Variants in SCARB1 observed in about 807,000 individuals in gnomAD.
The protein encoded by SCARB1 is CD36 and LIMPII analogous 1.
SCARB1 carries 30 observed loss-of-function variants against 57.2 expected under a neutral mutation model. The observed-to-expected ratio is 0.52, with a 90% CI of 0.39 to 0.71. The LOEUF is 0.71. SCARB1 is among the 30% of genes least tolerant of loss of function. SCARB1 has a pLI of 0.00. For synonymous variants in SCARB1, 249 were observed against 268.3 expected (o/e 0.93, Z 0.70); for missense variants, 543 against 671.2 (o/e 0.81, Z 2.11).
intron 1 of SCARB1, among the ~76,000 whole-genome samples, chr12:124,853,293 G>A: frequency 6.6e-6 from 1 of 152,050 alleles, no homozygotes; most frequent in Non-Finnish European, 1.5e-5. Flanking sequence ...GCTGAGTTGA[G>A]ATGGGCAGGG....
intron 7 of SCARB1, among the ~76,000 whole-genome samples, chr12:124,802,353 G>A (rs891160915): frequency 2.6e-5 from 4 of 152,140 alleles, no homozygotes; most frequent in African/African-American, 9.7e-5. Context: ...TCCTGCAGGT[G>A]ATGGCAAGGA....
At chr12:124,821,616 T>C in intron 1 of SCARB1, 2 of 851,174 alleles carry the variant, frequency 2.3e-6, no homozygotes, top group Non-Finnish European at 2.8e-6. Context: ...GATGGGTCAC[T>C]GACCTTCTCC....
At chr12:124,832,339 G>A (rs930261732) in intron 1 of SCARB1, among the ~76,000 whole-genome samples, 7 of 152,152 alleles carry the variant, frequency 4.6e-5, no homozygotes, top group African/African-American at 1.7e-4. Flanking sequence ...GGCCAACATA[G>A]TGAAATCCCG....
chr12:124,842,113 C>A (rs1951932655), intron 1 of SCARB1, among the ~76,000 whole-genome samples: 1 of 152,232 alleles, frequency 6.6e-6, no homozygotes, highest in South Asian at 2.1e-4. Flanking sequence ...AGATTCTCCA[C>A]TGGGGTTTGT....
rs371296000 is a variant in SCARB1 at position 124,786,331 on chromosome 12, C to T, written c.1401+26G>A. 34 of 1,612,514 alleles carry T rather than the reference C, an allele frequency of 2.1e-5. No homozygotes were observed. The African/African-American group carries it at 2.5e-4, about 12-fold the overall frequency. ...GCAGGCAAGCGAATGGCTGTCAGCC[C>T]GGGCTGCCCTCTGGCCAGCACCTAC... On this transcript the variant is annotated intron_variant, in intron 11 of 12. Coordinates refer to ENST00000261693, the MANE Select transcript of SCARB1 (RefSeq NM_005505.5).
chr12:124,802,184 C>T (rs557747268), intron 7 of SCARB1, among the ~76,000 whole-genome samples: 12 of 150,190 alleles, frequency 8.0e-5, no homozygotes, highest in African/African-American at 2.7e-4. Context: ...TAAAAAATAC[C>T]GTGGAAAATA....
At chr12:124,815,212 G>T in intron 2 of SCARB1, 98 bp from the exon 3 acceptor site, 1 of 1,408,674 alleles carries the variant, frequency 7.1e-7, no homozygotes, top group East Asian at 2.3e-5. Context: ...AGGGGCCCTG[G>T]ACGTCTGTGC....
chr12:124,841,100 G>A (rs894607790), intron 1 of SCARB1, among the ~76,000 whole-genome samples: 8 of 152,200 alleles, frequency 5.3e-5, no homozygotes, highest in Admixed American at 2.0e-4. Context: ...GGCTGGGCGC[G>A]GTGGCTCACG....
At chr12:124,830,400 C>T (rs755085045) in intron 1 of SCARB1, among the ~76,000 whole-genome samples, 18 of 152,162 alleles carry the variant, frequency 1.2e-4, no homozygotes, top group South Asian at 2.1e-4. Context: ...TCATAGCAGC[C>T]GTACCCATAA....
rs116429343 is a variant in SCARB1, at chr12:124,839,070, C to G, written c.127-21363G>C. Among the ~76,000 whole-genome samples, 1,425 of 152,228 alleles carry G rather than the reference C, an allele frequency of 9.4e-3. 19 individuals are homozygous for G. The highest frequency in any genetic ancestry group is 0.033 in the African/African-American group (1,360 of 41,532). ...TTACAGGCATGAGCCACTACACGCC[C>G]AGCCCAACTTAGCCATTTTTAAGTG... On this transcript the variant is annotated intron_variant, in intron 1 of 12. Coordinates refer to ENST00000261693, the MANE Select transcript of SCARB1 (RefSeq NM_005505.5).
At chr12:124,843,409 T>C (rs1319636287) in intron 1 of SCARB1, among the ~76,000 whole-genome samples, 2 of 152,058 alleles carry the variant, frequency 1.3e-5, no homozygotes, top group Non-Finnish European at 2.9e-5. Context: ...GCGCCTGGCC[T>C]TGACTTCTGG....
chr12:124,830,520 T>C (rs1048946657), intron 1 of SCARB1, among the ~76,000 whole-genome samples: 1 of 152,110 alleles, frequency 6.6e-6, no homozygotes, highest in Non-Finnish European at 1.5e-5. Context: ...GAATGACCAA[T>C]TGAGACACAC....
intron 1 of SCARB1, among the ~76,000 whole-genome samples, chr12:124,844,308 C>G (rs1952045258): frequency 6.6e-6 from 1 of 152,176 alleles, no homozygotes; most frequent in Non-Finnish European, 1.5e-5. Flanking sequence ...GCCGCCCTCT[C>G]CTCAGACGTG....
chr12:124,849,972 G>A lies in SCARB1; in HGVS notation c.126+13623C>T, dbSNP rs1265159596. Among the ~76,000 whole-genome samples the A allele has an allele frequency of 1.6e-5, 2 of 126,144 alleles. 1 individual carries two copies. The highest frequency in any genetic ancestry group is 3.5e-5 in the Non-Finnish European group (2 of 56,712). The allele number at this position is 126,144 out of a possible 152,430, so 82.8% of individuals were successfully genotyped here. On this transcript the variant is annotated intron_variant, in intron 1 of 12. Coordinates refer to ENST00000261693, the MANE Select transcript of SCARB1 (RefSeq NM_005505.5). Reference sequence around the variant, plus strand: ...CCAGTTATTCAGGAGGCCAAGGTAGGAGGATCGATTGAGCCTGAGTGGTTG... The same window carrying A: ...CCAGTTATTCAGGAGGCCAAGGTAGAAGGATCGATTGAGCCTGAGTGGTTG...
Position 124,817,558 on chromosome 12 carries a change from G to A in SCARB1, c.276C>T (p.Tyr92=), listed in dbSNP as rs73227571. 1.1e-3 allele frequency: 1,824 copies of A among 1,613,884 alleles called. 2 individuals carry two copies. Among genetic ancestry groups the A allele is most frequent in the Admixed American group, 2.2e-3 (134 of 60,006 alleles). The change falls in exon 2 of 13, where the codon TAC becomes TAT. Residue 92 remains tyrosine, a synonymous_variant. Transcript: ENST00000261693. The surrounding 1 kb of genome is among the most constrained non-coding windows in gnomAD (Gnocchi z 4.8). ...EKPQVRERGP[Y]VYREFRHKSN... is the part of the protein sequence containing the mutation. ...CCTGGACACAGCCTCACCTGTACAC[G>A]TAGGGCCCGCGCTCCCGCACCTGCG...
At chr12:124,813,199 G>C (rs935815416) in intron 4 of SCARB1, among the ~76,000 whole-genome samples, 1 of 152,164 alleles carries the variant, frequency 6.6e-6, no homozygotes, top group African/African-American at 2.4e-5. Context: ...AAAGGAAGTG[G>C]ACATTGGTTT....
chr12:124,837,553 GA>G (rs1199737392), intron 1 of SCARB1, among the ~76,000 whole-genome samples: 690 of 14,070 alleles, frequency 0.049, 50 homozygotes, highest in East Asian at 0.49. Context: ...GAAAAGAAAA[GA>G]AAAGAAAAGA....
chr12:124,813,041 C>T (rs1236998453), intron 4 of SCARB1, among the ~76,000 whole-genome samples: 1 of 152,158 alleles, frequency 6.6e-6, no homozygotes, highest in Non-Finnish European at 1.5e-5. Flanking sequence ...TCAGAAACTG[C>T]CAGTTACTAC....
rs1038958198 is a variant in SCARB1 at position 124,850,229 on chromosome 12, C to T, written c.126+13366G>A. On this transcript the variant is annotated intron_variant, in intron 1 of 12. Coordinates refer to ENST00000261693, the MANE Select transcript of SCARB1 (RefSeq NM_005505.5). The stretch of plus-strand genomic sequence containing the variant: ...CTCTACTAAAAATACAAAAATTAGC[C>T]GGGTGTAGTGGTGGGCACCTGTAAT... Among the ~76,000 whole-genome samples, 106 of 150,878 alleles carry T rather than the reference C, an allele frequency of 7.0e-4. 1 individual carries two copies. Among genetic ancestry groups the T allele is most frequent in the Non-Finnish European group, 5.8e-4 (39 of 67,822 alleles).
Sources: allele counts gnomAD v4.1 joint callset (sites outside exome capture counted in the v4.1 genomes callset), GRCh38; gene constraint gnomAD v4.1.1; non-coding constraint Gnocchi (gnomAD v3.1); transcripts MANE v1.5; gene names NCBI Gene and HGNC (gene_info 2026-07-23, HGNC 2026-07-21).